Variants in ADGRV1 observed in about 807,000 individuals in gnomAD.
ADGRV1 encodes G-protein coupled receptor 98.
ADGRV1 carries 359 observed loss-of-function variants against 596.2 expected under a neutral mutation model. That is an observed-to-expected ratio of 0.60 (90% CI 0.55 to 0.66). The LOEUF is 0.66. Among genes scored for constraint, ADGRV1 ranks in the 30% least tolerant of loss-of-function variants. The pLI is 0.00. For missense variants in ADGRV1, 7,274 were observed against 7,575.6 expected (o/e 0.96, Z 1.48); for synonymous variants, 2,681 against 2,679.2 (o/e 1.00, Z -0.02).
At chr5:90,922,698 G>A (rs909365556) in intron 83 of ADGRV1, among the ~76,000 whole-genome samples, 8 of 152,182 alleles carry the variant, frequency 5.3e-5, no homozygotes, top group African/African-American at 1.4e-4. Context: ...CTGCAGACCA[G>A]TGGCACCAGC....
At chr5:91,037,819 T>C (rs1818349) in intron 85 of ADGRV1, among the ~76,000 whole-genome samples, 118,980 of 152,102 alleles carry the variant, frequency 0.78, 46,628 homozygotes, top group South Asian at 0.82. Context: ...AAAACCCAAA[T>C]ACTACAAAAT....
chr5:91,047,677 T>C (rs1340096077), intron 85 of ADGRV1, among the ~76,000 whole-genome samples: 6 of 152,270 alleles, frequency 3.9e-5, no homozygotes, highest in Middle Eastern at 3.4e-3. Context: ...CCAATAACAA[T>C]ACTTTGATCC....
chr5:90,872,911 C>T (rs865793716), intron 83 of ADGRV1, among the ~76,000 whole-genome samples: 1 of 152,318 alleles, frequency 6.6e-6, no homozygotes, highest in Non-Finnish European at 1.5e-5. Context: ...AAAGACTTCT[C>T]TTTAGTTTCC....
At position 90,756,493 on chromosome 5, in the gene ADGRV1, A is replaced by C; in HGVS notation, c.11620A>C (p.Ile3874Leu). 3 of 1,598,468 alleles carry C rather than the reference A, an allele frequency of 1.9e-6. No homozygotes were observed. The highest frequency in any genetic ancestry group is 1.7e-6 in the Non-Finnish European group (2 of 1,172,332). Residue 3874 changes from isoleucine (I) to leucine (L), a missense_variant, in exon 56 of 90, where the codon ATC becomes CTC. By Grantham distance (5) the Ile-to-Leu change is conservative (BLOSUM62 2). Coordinates refer to ENST00000405460, the MANE Select transcript of ADGRV1 (RefSeq NM_032119.4). ...PELEEGFIVT[I>L]TEVNLVNSDF... ...ATTGGAGGAAGGATTTATTGTCACTATCACTGAGGTGAACCTGGTGAACTC... is the reference window on the plus strand; with the variant it reads ...ATTGGAGGAAGGATTTATTGTCACTCTCACTGAGGTGAACCTGGTGAACTC...
At chr5:90,777,485 A>G (rs1758370381) in intron 61 of ADGRV1, among the ~76,000 whole-genome samples, 1 of 152,114 alleles carries the variant, frequency 6.6e-6, no homozygotes, top group Admixed American at 6.5e-5. Context: ...TTGACTTTAT[A>G]CTTTATCCTC....
At chr5:90,893,133 G>A (rs570225076) in intron 83 of ADGRV1, among the ~76,000 whole-genome samples, 1 of 152,256 alleles carries the variant, frequency 6.6e-6, no homozygotes, top group African/African-American at 2.4e-5. Flanking sequence ...TATCAGTGAG[G>A]AATGAAGTTA....
intron 83 of ADGRV1, among the ~76,000 whole-genome samples, chr5:90,927,921 G>T (rs370386959): frequency 6.6e-6 from 1 of 152,094 alleles, no homozygotes; most frequent in Non-Finnish European, 1.5e-5. Flanking sequence ...GAAATTCTGG[G>T]TTGAAAATTC....
At position 90,674,232 on chromosome 5, in the gene ADGRV1, A is replaced by T. The variant is rs377202826; in HGVS notation, c.5108A>T (p.Tyr1703Phe). The part of the protein sequence containing the change: ...DITIKASDHP[Y>F]GLLQFSTGLP... The stretch of plus-strand genomic sequence containing the variant: ...ACCATCAAAGCTAGTGATCATCCAT[A>T]TGGTAACCTGCTCCTTTTGCAAGAA... The change falls in exon 23 of 90, where the codon TAT becomes TTT. Residue 1703 changes from tyrosine (Y) to phenylalanine (F), a missense_variant and splice_region_variant. Tyr to Phe is a conservative substitution (Grantham distance 22). Coordinates refer to ENST00000405460, the MANE Select transcript of ADGRV1 (RefSeq NM_032119.4). 6.3e-7 allele frequency: 1 copy of T among 1,582,908 alleles called. No individual in the cohort carries two copies. Among genetic ancestry groups the T allele is most frequent in the African/African-American group, 1.4e-5 (1 of 73,920 alleles).
intron 85 of ADGRV1, among the ~76,000 whole-genome samples, chr5:91,065,119 T>G (rs372102598): frequency 9.1e-4 from 139 of 152,354 alleles, no homozygotes; most frequent in African/African-American, 3.0e-3. Flanking sequence ...GAAACCAGTT[T>G]GTGATAAATG....
chr5:91,087,553 C>T (rs573411587), intron 86 of ADGRV1, among the ~76,000 whole-genome samples: 23 of 152,158 alleles, frequency 1.5e-4, no homozygotes, highest in Admixed American at 3.9e-4. Flanking sequence ...CCACCTGCCT[C>T]GGCCTCCCGA....
intron 86 of ADGRV1, among the ~76,000 whole-genome samples, chr5:91,095,227 G>A (rs1246049970): frequency 6.6e-6 from 1 of 151,658 alleles, no homozygotes; most frequent in Admixed American, 6.6e-5. Flanking sequence ...TTTTACACGG[G>A]GTCTCACTCT....
intron 70 of ADGRV1, among the ~76,000 whole-genome samples, chr5:90,797,031 A>G (rs1370376354): frequency 2.0e-5 from 3 of 151,916 alleles, no homozygotes; most frequent in African/African-American, 7.3e-5. Context: ...CAAATTATAA[A>G]GACCATCGAC....
chr5:90,598,202 G>A (rs887571044), intron 1 of ADGRV1, among the ~76,000 whole-genome samples: 2 of 152,148 alleles, frequency 1.3e-5, no homozygotes. Flanking sequence ...GTATACCCAC[G>A]CCTTCAATTA....
chr5:90,576,155 G>A (rs1424787503), intron 1 of ADGRV1, among the ~76,000 whole-genome samples: 3 of 152,052 alleles, frequency 2.0e-5, no homozygotes, highest in Non-Finnish European at 4.4e-5. Context: ...GGGTACATGT[G>A]CACAATGTGC....
chr5:90,995,383 T>C (rs955153642), intron 85 of ADGRV1, among the ~76,000 whole-genome samples: 1 of 152,160 alleles, frequency 6.6e-6, no homozygotes, highest in Non-Finnish European at 1.5e-5. Flanking sequence ...CCTCCTCCCC[T>C]ATGGGTGCCA....
At chr5:90,668,925 T>A (rs1229622111) in intron 21 of ADGRV1, among the ~76,000 whole-genome samples, 5 of 152,310 alleles carry the variant, frequency 3.3e-5, no homozygotes, top group Non-Finnish European at 5.9e-5. Flanking sequence ...TATGTGCTAA[T>A]GCTTACTGAC....
At chr5:90,617,760 A>T in intron 2 of ADGRV1, 44 bp from the exon 3 acceptor site, 1 of 1,523,848 alleles carries the variant, frequency 6.6e-7, no homozygotes. Context: ...TACTTGTCCT[A>T]ATACTGTGTT....
rs185632830 is a variant in ADGRV1, at chr5:90,630,815, T to C, written c.1839+1276T>C. 2.0e-5 allele frequency among the ~76,000 whole-genome samples: 3 copies of C among 152,336 alleles called. No individual in the cohort carries two copies. The East Asian group carries it at 5.8e-4, about 29-fold the overall frequency. Reference sequence around the variant, plus strand: ...TCCCTTTTCTGTATGTTATCTTCACTATATTATTGAGATCTTGCTGCTGTC... The same window carrying C: ...TCCCTTTTCTGTATGTTATCTTCACCATATTATTGAGATCTTGCTGCTGTC... On this transcript the variant is annotated intron_variant, in intron 9 of 89. Coordinates refer to ENST00000405460, the MANE Select transcript of ADGRV1 (RefSeq NM_032119.4).
chr5:90,710,364 CAG>C (rs1363926783), intron 39 of ADGRV1, among the ~76,000 whole-genome samples: 1 of 152,108 alleles, frequency 6.6e-6, no homozygotes, highest in Admixed American at 6.5e-5. Context: ...CAACCAGGAG[CAG>C]AGTTAGTTAA....
Sources: allele counts gnomAD v4.1 joint callset (sites outside exome capture counted in the v4.1 genomes callset), GRCh38; gene constraint gnomAD v4.1.1; transcripts MANE v1.5; gene names NCBI Gene and HGNC (gene_info 2026-07-23, HGNC 2026-07-21).